The following FAM184A variants were observed in gnomAD, a reference collection of about 807,000 sequenced individuals.
The protein encoded by FAM184A is protein FAM184A.
Under a neutral mutation model 143.8 loss-of-function variants are expected in FAM184A, and 99 were observed. The ratio of observed to expected loss-of-function variants is 0.69; its 90% CI spans 0.58 to 0.81. The LOEUF (loss-of-function observed/expected upper bound fraction) is 0.81. Among genes scored for constraint, FAM184A ranks in the 40% least tolerant of loss-of-function variants. The probability of loss-of-function intolerance (pLI) is 0.00; values close to 1 mark genes in which losing one functional copy is unlikely to be tolerated. For synonymous variants in FAM184A, 427 were observed against 446.4 expected, an observed-to-expected ratio of 0.96 and a Z score of 0.55; for missense variants, 1,217 against 1,310.5, an observed-to-expected ratio of 0.93 and a Z score of 1.10.
intron 1 of FAM184A, among the ~76,000 whole-genome samples, chr6:119,139,338 G>T (rs2114888069): frequency 6.6e-6 from 1 of 152,288 alleles, no homozygotes; most frequent in South Asian, 2.1e-4. Context: ...CTCTGGAGCG[G>T]CTGGGGAGAA....
chr6:119,120,438 C>A (rs1348100640), intron 1 of FAM184A, among the ~76,000 whole-genome samples: 1 of 152,136 alleles, frequency 6.6e-6, no homozygotes. Flanking sequence ...GTTTTTTCTA[C>A]TTTGGGGCTA....
At chr6:119,032,802 T>A (rs986465062) in intron 1 of FAM184A, among the ~76,000 whole-genome samples, 1 of 152,168 alleles carries the variant, frequency 6.6e-6, no homozygotes, top group African/African-American at 2.4e-5. Flanking sequence ...TAAAAATAGA[T>A]CTGGTACATT....
intron 1 of FAM184A, among the ~76,000 whole-genome samples, chr6:119,028,305 G>A (rs917381545): frequency 1.3e-5 from 2 of 152,136 alleles, no homozygotes; most frequent in African/African-American, 2.4e-5. Context: ...TAAATCCCTT[G>A]GAATCTCTTG....
chr6:119,102,738 T>A (rs9401124), intron 1 of FAM184A, among the ~76,000 whole-genome samples: 1 of 140,728 alleles, frequency 7.1e-6, no homozygotes, highest in Non-Finnish European at 1.5e-5. Context: ...TGCAGTGAGC[T>A]GAGATCGAGC....
At chr6:119,062,710 T>C (rs142299727) in intron 1 of FAM184A, among the ~76,000 whole-genome samples, 158 of 152,250 alleles carry the variant, frequency 1.0e-3, no homozygotes, top group African/African-American at 1.6e-3. Context: ...TCCCACCTCA[T>C]GGTAAAAGCA....
intron 1 of FAM184A, among the ~76,000 whole-genome samples, chr6:119,067,718 G>A (rs1262324926): frequency 2.6e-5 from 4 of 152,148 alleles, no homozygotes; most frequent in East Asian, 1.9e-4. Flanking sequence ...GCAATACAAC[G>A]ACCACGAATA....
At position 119,099,625 on chromosome 6, in the gene FAM184A, A is replaced by G. The variant is rs368721942; in HGVS notation, c.-202+49453T>C. On this transcript the variant is annotated intron_variant, in intron 1 of 16. Coordinates refer to the FAM184A transcript ENST00000352896. The stretch of plus-strand genomic sequence containing the variant: ...TCTCCACCCAATCTATTAGTATGGG[A>G]TCATACACTTTTTGCCCAATCACAT... Among the ~76,000 whole-genome samples, 111 of 152,244 alleles carry G rather than the reference A, an allele frequency of 7.3e-4. 1 individual carries two copies. Among genetic ancestry groups the G allele is most frequent in the African/African-American group, 2.6e-3 (108 of 41,538 alleles).
chr6:118,995,919 T>C (rs1273189191), intron 9 of FAM184A, among the ~76,000 whole-genome samples: 1 of 152,238 alleles, frequency 6.6e-6, no homozygotes, highest in African/African-American at 2.4e-5. Context: ...CTGTTCTGCA[T>C]TTCATCACAG....
chr6:118,989,227 CT>C (rs61571693), intron 9 of FAM184A, among the ~76,000 whole-genome samples: 86,923 of 151,572 alleles, frequency 0.57, 25,275 homozygotes, highest in East Asian at 0.76. Flanking sequence ...TCCCAAAGTG[CT>C]TGGGATTACA....
chr6:119,023,841 A>ATT, intron 2 of FAM184A, 118 bp downstream of exon 2: 2 of 654,934 alleles, frequency 3.1e-6, no homozygotes, highest in African/African-American at 1.9e-5. Context: ...AAAAAAAAAA[A>ATT]AGTCTAAGTG....
intron 1 of FAM184A, among the ~76,000 whole-genome samples, chr6:119,093,112 AT>A (rs2114822927): frequency 6.6e-6 from 1 of 152,288 alleles, no homozygotes; most frequent in African/African-American, 2.4e-5. Context: ...GCAGAATTTT[AT>A]TCTGTGAACC....
intron 1 of FAM184A, among the ~76,000 whole-genome samples, chr6:119,134,429 A>G (rs1473753803): frequency 6.6e-6 from 1 of 152,046 alleles, no homozygotes; most frequent in East Asian, 1.9e-4. Context: ...AGATGAGAGG[A>G]TTGCTTGAGT....
chr6:119,063,327 C>G (rs1787329090), intron 1 of FAM184A, among the ~76,000 whole-genome samples: 1 of 151,042 alleles, frequency 6.6e-6, no homozygotes, highest in Admixed American at 6.5e-5. Flanking sequence ...AACTTAAGCA[C>G]AATAAGACTT....
chr6:119,136,304 AAAAG>A, intron 1 of FAM184A, among the ~76,000 whole-genome samples: 1 of 151,602 alleles, frequency 6.6e-6, no homozygotes, highest in African/African-American at 2.4e-5. Context: ...AAAAAAAAAA[AAAAG>A]AATATTTCCA....
At chr6:119,129,337 T>G (rs891582789) in intron 1 of FAM184A, among the ~76,000 whole-genome samples, 1 of 152,170 alleles carries the variant, frequency 6.6e-6, no homozygotes, top group African/African-American at 2.4e-5. Flanking sequence ...AAGCTCTGCC[T>G]GTGGCTGACA....
intron 1 of FAM184A, among the ~76,000 whole-genome samples, chr6:119,104,587 A>G (rs17513439): frequency 0.047 from 7,121 of 152,292 alleles, 220 homozygotes; most frequent in African/African-American, 0.073. Context: ...TAAGAATATG[A>G]TCTTAAGTGT....
At chr6:118,963,235 A>G (rs1783389920) in intron 16 of FAM184A, 1 of 152,144 alleles carries the variant, frequency 6.6e-6, no homozygotes, top group Non-Finnish European at 1.5e-5. Flanking sequence ...AGAAATCAAA[A>G]GAATACTGGT....
chr6:118,975,145 T>A lies in FAM184A; in HGVS notation c.2647A>T (p.Ile883Phe). The A allele has an allele frequency of 1.2e-6, 2 of 1,612,388 alleles. No individual in the cohort carries two copies. The highest frequency in any genetic ancestry group is 1.7e-6 in the Non-Finnish European group (2 of 1,178,784). Residue 883 changes from isoleucine (I) to phenylalanine (F), a missense_variant, in exon 13 of 18, where the codon ATC becomes TTC. By Grantham distance (21) the Ile-to-Phe change is conservative. Coordinates refer to ENST00000338891, the MANE Select transcript of FAM184A (RefSeq NM_024581.6). ...TGAACCTCCTTATCCAATTCAGAGA[T>A]GTGATGCTCTCTGTGTCTTAATTCC... ...QEELRHREHH[I>F]SELDKEVQHL... is the part of the protein sequence containing the mutation.
Position 119,023,564 on chromosome 6 carries a change from C to A in FAM184A, c.1014+395G>T, listed in dbSNP as rs34206330. On this transcript the variant is annotated intron_variant, in intron 2 of 17. Transcript: ENST00000338891. Reference sequence around the variant, plus strand: ...ATTAGCAATATTGTCCGCCCCCCCCCCCAGGAACAGCGTATTACCTCGCTA... The same window carrying A: ...ATTAGCAATATTGTCCGCCCCCCCCACCAGGAACAGCGTATTACCTCGCTA... Among the ~76,000 whole-genome samples the A allele has an allele frequency of 6.5e-4, 73 of 112,246 alleles. 4 individuals carry two copies. The highest frequency in any genetic ancestry group is 5.9e-3 in the South Asian group (16 of 2,692). 73.6% of individuals were successfully genotyped at this position (112,246 alleles called of 152,430 possible). A position where few individuals can be genotyped will look rare whatever the true frequency, so the allele number is the denominator to read the frequency against.
Sources: allele counts gnomAD v4.1 joint callset (sites outside exome capture counted in the v4.1 genomes callset), GRCh38; gene constraint gnomAD v4.1.1; transcripts MANE v1.5; gene names NCBI Gene and HGNC (gene_info 2026-07-23, HGNC 2026-07-21).